The following VRK2 variants were observed in gnomAD, a reference collection of about 807,000 sequenced individuals.
VRK2 encodes serine/threonine-protein kinase VRK2.
A neutral mutation model predicts 57.6 loss-of-function variants in VRK2; 60 were observed. The observed-to-expected ratio is 1.04, with a 90% CI of 0.85 to 1.29. The LOEUF (loss-of-function observed/expected upper bound fraction) is 1.29, where lower values mean the gene tolerates loss of function less well. Among genes scored for constraint, VRK2 ranks in the 50% most tolerant of loss-of-function variants. The pLI is 0.00. For synonymous variants in VRK2, 231 were observed against 199.2 expected (o/e 1.16, Z -1.35); for missense variants, 705 against 588.1 (o/e 1.20, Z -2.06).
chr2:57,989,889 T>C (rs1412900313), intron 1 of VRK2, among the ~76,000 whole-genome samples: 7 of 152,210 alleles, frequency 4.6e-5, no homozygotes, highest in African/African-American at 1.4e-4. Flanking sequence ...AATAATATTG[T>C]ATAATAGATC....
intron 1 of VRK2, among the ~76,000 whole-genome samples, chr2:57,923,995 T>C (rs1436490273): frequency 6.6e-6 from 1 of 151,946 alleles, no homozygotes; most frequent in African/African-American, 2.4e-5. Context: ...TTCCATAATG[T>C]ATGTTCTTGG....
At chr2:58,004,179 C>T (rs1518399) in intron 1 of VRK2, among the ~76,000 whole-genome samples, 105,436 of 151,950 alleles carry the variant, frequency 0.69, 38,139 homozygotes, top group African/African-American at 0.92. Flanking sequence ...CATACATACA[C>T]GCATACAGCA....
intron 7 of VRK2, among the ~76,000 whole-genome samples, chr2:58,092,208 G>A (rs1378780396): frequency 1.3e-5 from 2 of 152,010 alleles, no homozygotes; most frequent in East Asian, 1.9e-4. Context: ...ATTGCTCCCA[G>A]CCCCAGGAGA....
intron 12 of VRK2, among the ~76,000 whole-genome samples, chr2:58,150,097 G>A (rs187334834): frequency 1.4e-5 from 2 of 147,964 alleles, no homozygotes; most frequent in East Asian, 2.0e-4. Context: ...TTCTTTTGTC[G>A]TAATATCCTT....
chr2:58,109,515 G>A (rs1303544534), intron 7 of VRK2, among the ~76,000 whole-genome samples: 1 of 152,136 alleles, frequency 6.6e-6, no homozygotes, highest in Non-Finnish European at 1.5e-5. Context: ...TGGCTGGGGA[G>A]GCCCCAGGTA....
At chr2:57,990,595 C>G (rs902437658) in intron 1 of VRK2, among the ~76,000 whole-genome samples, 1 of 152,156 alleles carries the variant, frequency 6.6e-6, no homozygotes, top group Non-Finnish European at 1.5e-5. Context: ...AAATCTCACT[C>G]CAGTGTCACT....
At chr2:57,939,113 G>C (rs192203720) in intron 1 of VRK2, among the ~76,000 whole-genome samples, 4 of 152,230 alleles carry the variant, frequency 2.6e-5, no homozygotes, top group African/African-American at 4.8e-5. Flanking sequence ...AAGCAATCTA[G>C]GTCCAAACAG....
chr2:58,110,014 A>G (rs1675325685), intron 7 of VRK2, among the ~76,000 whole-genome samples: 3 of 152,336 alleles, frequency 2.0e-5, no homozygotes, highest in Admixed American at 6.5e-5. Flanking sequence ...CTGGAAGTAC[A>G]GGCTTAACTA....
intron 6 of VRK2, among the ~76,000 whole-genome samples, chr2:58,088,833 TTTA>T (rs1309673761): frequency 1.3e-5 from 2 of 152,214 alleles, no homozygotes; most frequent in Non-Finnish European, 2.9e-5. Context: ...CTATGAAGTT[TTTA>T]TTATGAGTTT....
At chr2:57,952,018 T>C (rs1251219310) in intron 1 of VRK2, among the ~76,000 whole-genome samples, 1 of 150,852 alleles carries the variant, frequency 6.6e-6, no homozygotes, top group Non-Finnish European at 1.5e-5. Context: ...CACAGCCTCC[T>C]GAGTAGCTGA....
intron 2 of VRK2, among the ~76,000 whole-genome samples, chr2:58,080,079 A>G (rs933582578): frequency 1.3e-5 from 2 of 152,032 alleles, no homozygotes; most frequent in Admixed American, 6.6e-5. Flanking sequence ...ACACATCTGA[A>G]TAAAGCAAAA....
chr2:58,155,760 C>G (rs1397936266), intron 12 of VRK2, among the ~76,000 whole-genome samples: 2 of 141,696 alleles, frequency 1.4e-5, no homozygotes, highest in Non-Finnish European at 3.1e-5. Flanking sequence ...CCCCACCATC[C>G]CCCCCACCCC....
intron 7 of VRK2, among the ~76,000 whole-genome samples, chr2:58,107,438 G>A (rs1674919104): frequency 6.6e-6 from 1 of 152,048 alleles, no homozygotes; most frequent in Admixed American, 6.6e-5. Flanking sequence ...AATTTATGAA[G>A]TTTAAAAAGT....
At chr2:58,110,480 T>A (rs1034271669) in intron 7 of VRK2, among the ~76,000 whole-genome samples, 1 of 152,190 alleles carries the variant, frequency 6.6e-6, no homozygotes, top group African/African-American at 2.4e-5. Context: ...ATCATTCATA[T>A]CTGTTAAAAA....
intron 1 of VRK2, among the ~76,000 whole-genome samples, chr2:57,983,131 C>G (rs568845708): frequency 6.6e-6 from 1 of 152,158 alleles, no homozygotes; most frequent in Non-Finnish European, 1.5e-5. Flanking sequence ...CCACTCTCAA[C>G]GCCTTCTTTC....
At chr2:58,016,203 G>C (rs1673576452) in intron 1 of VRK2, among the ~76,000 whole-genome samples, 1 of 151,040 alleles carries the variant, frequency 6.6e-6, no homozygotes, top group Non-Finnish European at 1.5e-5. Flanking sequence ...TTTGTTATAA[G>C]GATAAAATTT....
chr2:58,104,928 T>C (rs13027943), intron 7 of VRK2, among the ~76,000 whole-genome samples: 6 of 151,982 alleles, frequency 3.9e-5, no homozygotes, highest in African/African-American at 7.2e-5. Context: ...CAAGTGATTG[T>C]TGATAGAGTC....
intron 2 of VRK2, among the ~76,000 whole-genome samples, chr2:58,081,016 C>T (rs1326076439): frequency 1.3e-5 from 2 of 151,888 alleles, no homozygotes; most frequent in African/African-American, 2.4e-5. Context: ...TGACAGAATA[C>T]CCTTAAACTT....
intron 12 of VRK2, among the ~76,000 whole-genome samples, chr2:58,146,843 A>T (rs1682231109): frequency 6.6e-6 from 1 of 151,908 alleles, no homozygotes; most frequent in South Asian, 2.1e-4. Flanking sequence ...TTCCCTGTCA[A>T]TGTGGTTGTA....
Sources: allele counts gnomAD v4.1 joint callset (sites outside exome capture counted in the v4.1 genomes callset), GRCh38; gene constraint gnomAD v4.1.1; transcripts MANE v1.5; gene names NCBI Gene and HGNC (gene_info 2026-07-23, HGNC 2026-07-21).